Variants in WWOX observed in about 807,000 individuals in gnomAD.
WWOX encodes the protein WW domain-containing oxidoreductase.
Under a neutral mutation model 46.2 loss-of-function variants are expected in WWOX, and 69 were observed. The ratio of observed to expected loss-of-function variants is 1.49; its 90% confidence interval spans 1.23 to 1.82. The LOEUF is 1.82. Among genes scored for constraint, WWOX ranks in the 40% most tolerant of loss-of-function variants. WWOX has a pLI of 0.00. For synonymous variants in WWOX, 359 were observed against 202.6 expected (o/e 1.77, Z -6.56); for missense variants, 919 against 542.6 (o/e 1.69, Z -6.89).
intron 5 of WWOX, among the ~76,000 whole-genome samples, chr16:78,203,802 G>A (rs570461930): frequency 1.1e-3 from 160 of 152,318 alleles, no homozygotes; most frequent in African/African-American, 3.4e-3. Context: ...TGGTGTGGTC[G>A]TGACAGATGA....
chr16:78,380,160 G>C (rs749551082), intron 5 of WWOX, among the ~76,000 whole-genome samples: 10 of 152,190 alleles, frequency 6.6e-5, no homozygotes, highest in African/African-American at 9.7e-5. Context: ...GCATGAGGCA[G>C]TTACAGATCT....
At chr16:78,839,073 G>A (rs1206720786) in intron 8 of WWOX, among the ~76,000 whole-genome samples, 1 of 152,150 alleles carries the variant, frequency 6.6e-6, no homozygotes, top group Non-Finnish European at 1.5e-5. Flanking sequence ...GATCAAGGGT[G>A]CATGAGATTG....
At chr16:78,699,112 A>G (rs1390503592) in intron 8 of WWOX, among the ~76,000 whole-genome samples, 1 of 152,202 alleles carries the variant, frequency 6.6e-6, no homozygotes, top group Non-Finnish European at 1.5e-5. Flanking sequence ...CATAGGCAAT[A>G]CACAAATCAA....
At chr16:78,968,005 G>C (rs1307184048) in intron 8 of WWOX, among the ~76,000 whole-genome samples, 1 of 152,224 alleles carries the variant, frequency 6.6e-6, no homozygotes, top group Non-Finnish European at 1.5e-5. Context: ...AGATGTATAA[G>C]TGTATGTGTT....
In WWOX at chr16:78,581,262, G is replaced by A. The variant is rs551598469; in HGVS notation, c.1056+148510G>A. ...CACTACATTAATTAGATAATTAAGG[G>A]TCTTGAGCATGTGGCTATTGTATTC... is the stretch of plus-strand genomic sequence containing the variant. On this transcript the variant is annotated intron_variant, in intron 8 of 8. Transcript: ENST00000566780. Among the ~76,000 whole-genome samples the A allele has an allele frequency of 2.0e-5, 3 of 152,274 alleles. No homozygotes were observed. In the South Asian group the frequency reaches 6.2e-4, roughly 32 times the overall value.
intron 5 of WWOX, among the ~76,000 whole-genome samples, chr16:78,382,748 G>T (rs952528100): frequency 1.3e-5 from 2 of 152,118 alleles, no homozygotes; most frequent in Non-Finnish European, 2.9e-5. Flanking sequence ...TGTCTTGAAT[G>T]TGGTGATGGT....
At chr16:78,530,136 A>G (rs183206389) in intron 8 of WWOX, among the ~76,000 whole-genome samples, 1 of 152,312 alleles carries the variant, frequency 6.6e-6, no homozygotes, top group Admixed American at 6.5e-5. Flanking sequence ...ACTGGCAGGA[A>G]TGAACTCTGT....
chr16:78,461,400 AAAAG>A (rs1302377029), intron 8 of WWOX, among the ~76,000 whole-genome samples: 2 of 152,230 alleles, frequency 1.3e-5, no homozygotes, highest in African/African-American at 2.4e-5. Context: ...AAATAGGAAA[AAAAG>A]AAAGAGCGTA....
intron 8 of WWOX, among the ~76,000 whole-genome samples, chr16:78,457,069 G>A (rs369499430): frequency 6.6e-6 from 1 of 152,164 alleles, no homozygotes; most frequent in South Asian, 2.1e-4. Flanking sequence ...CCCACCCTAC[G>A]ATTTGAATCT....
At chr16:78,844,011 A>C (rs1185511527) in intron 8 of WWOX, among the ~76,000 whole-genome samples, 1 of 152,196 alleles carries the variant, frequency 6.6e-6, no homozygotes, top group East Asian at 1.9e-4. Context: ...TGCTCTGAGA[A>C]TAGCCAGGGG....
chr16:78,799,359 CT>C (rs2050826110), intron 8 of WWOX, among the ~76,000 whole-genome samples: 1 of 152,158 alleles, frequency 6.6e-6, no homozygotes, highest in Non-Finnish European at 1.5e-5. Flanking sequence ...TGGTGTCCAT[CT>C]GGGTTAGCAA....
At chr16:78,876,743 A>G (rs1215295092) in intron 8 of WWOX, among the ~76,000 whole-genome samples, 1 of 152,204 alleles carries the variant, frequency 6.6e-6, no homozygotes, top group Non-Finnish European at 1.5e-5. Context: ...TCAGAAAATT[A>G]ACTAAAAGAA....
intron 8 of WWOX, among the ~76,000 whole-genome samples, chr16:78,446,694 C>CCTT (rs4036028): frequency 0.41 from 50,750 of 124,050 alleles, 13,521 homozygotes; most frequent in African/African-American, 0.77. Context: ...GGTGGAATCT[C>CCTT]CTGTCTCCCA....
In WWOX at chr16:78,274,485, G is replaced by C. The variant is rs1750499608; in HGVS notation, c.516+110196G>C. Among the ~76,000 whole-genome samples, 4 of 152,156 alleles carry C rather than the reference G, an allele frequency of 2.6e-5. No homozygotes were observed. In the South Asian group the frequency reaches 6.2e-4, roughly 24 times the overall value. On this transcript the variant is annotated intron_variant, in intron 5 of 8. Transcript: ENST00000566780. ...CTGAATGAGTTAAGCAGGACACCTA[G>C]AACTATGCAGAGGTAATACCTTCCT... is the stretch of plus-strand genomic sequence containing the variant.
At chr16:78,174,360 A>C (rs2035262975) in intron 5 of WWOX, among the ~76,000 whole-genome samples, 1 of 152,128 alleles carries the variant, frequency 6.6e-6, no homozygotes, top group African/African-American at 2.4e-5. Context: ...ATAGCATGGG[A>C]AAGACCGGCC....
intron 8 of WWOX, among the ~76,000 whole-genome samples, chr16:78,629,438 C>T (rs545840074): frequency 6.6e-6 from 1 of 152,150 alleles, no homozygotes; most frequent in Admixed American, 6.5e-5. Context: ...ATCCCTTCTT[C>T]AGGCAGAAGC....
intron 8 of WWOX, among the ~76,000 whole-genome samples, chr16:78,708,480 G>A (rs1597472867): frequency 6.6e-6 from 1 of 152,102 alleles, no homozygotes; most frequent in African/African-American, 2.4e-5. Context: ...ACACTACCTT[G>A]GGAAATGACT....
intron 8 of WWOX, among the ~76,000 whole-genome samples, chr16:78,548,152 CAAAAA>C (rs11320544): frequency 2.9e-5 from 1 of 34,270 alleles, no homozygotes; most frequent in South Asian, 1.0e-3. Context: ...AAGACTGTCT[CAAAAA>C]AAAAAAAAAA....
intron 8 of WWOX, among the ~76,000 whole-genome samples, chr16:79,193,421 A>G (rs2051176272): frequency 6.6e-6 from 1 of 152,172 alleles, no homozygotes; most frequent in Non-Finnish European, 1.5e-5. Context: ...TGAAACTTGA[A>G]TCAAAAAGCG....
Sources: gnomAD v4.1 joint callset for allele counts (sites outside exome capture counted in the v4.1 genomes callset) on GRCh38, gnomAD v4.1.1 for gene constraint, MANE v1.5 for transcripts, NCBI Gene and HGNC (gene_info 2026-07-23, HGNC 2026-07-21) for gene names.